WNT3: variants seen among roughly 807,000 people sequenced by gnomAD.
WNT3 encodes proto-oncogene Wnt-3.
WNT3 carries 7 observed loss-of-function variants against 34.2 expected under a neutral mutation model. The ratio of observed to expected loss-of-function variants is 0.20; its 90% confidence interval spans 0.12 to 0.38. The LOEUF is 0.38. Ranked by LOEUF, WNT3 falls within the 10% of genes least tolerant of loss-of-function variation. The pLI, the probability that WNT3 is intolerant of heterozygous loss-of-function variation, is 1.00. For synonymous variants in WNT3, 212 were observed against 211.5 expected (o/e 1.00, Z -0.02); for missense variants, 267 against 499.8 (o/e 0.53, Z 4.44).
intron 1 of WNT3, among the ~76,000 whole-genome samples, chr17:46,805,105 T>C (rs2146450759): frequency 6.6e-6 from 1 of 152,182 alleles, no homozygotes; most frequent in African/African-American, 2.4e-5. Context: ...ACGAACCCAC[T>C]GGAAGGAACC....
intron 1 of WNT3, among the ~76,000 whole-genome samples, chr17:46,795,027 A>G (rs2084035865): frequency 6.6e-6 from 1 of 152,126 alleles, no homozygotes; most frequent in Admixed American, 6.5e-5. Flanking sequence ...CTGGGATTAC[A>G]GGTGTGAGCC....
intron 1 of WNT3, among the ~76,000 whole-genome samples, chr17:46,792,023 G>C (rs1227031112): frequency 1.3e-5 from 2 of 152,248 alleles, no homozygotes; most frequent in Non-Finnish European, 2.9e-5. Flanking sequence ...CTGGGCAACA[G>C]AGTGAGATCC....
chr17:46,786,498 TC>T, intron 1 of WNT3, among the ~76,000 whole-genome samples: 1 of 152,198 alleles, frequency 6.6e-6, no homozygotes, highest in South Asian at 2.1e-4. Context: ...CCAGAGCGTC[TC>T]CCTGAGAGGC....
intron 4 of WNT3, among the ~76,000 whole-genome samples, chr17:46,767,880 C>T (rs900251807): frequency 2.6e-5 from 4 of 152,068 alleles, no homozygotes; most frequent in African/African-American, 9.7e-5. Context: ...CCTCTGTCGC[C>T]CAGGTTCAAG....
chr17:46,818,275 T>C (rs2084378836), intron 1 of WNT3, among the ~76,000 whole-genome samples: 1 of 151,214 alleles, frequency 6.6e-6, no homozygotes, highest in South Asian at 2.1e-4. Flanking sequence ...CCTTCTGAGA[T>C]GGGAAAAGTC....
In WNT3 at chr17:46,768,257, A is replaced by AC; in HGVS notation, c.*8+54dup. 1 of 1,608,978 alleles carries AC rather than the reference A, an allele frequency of 6.2e-7. No individual in the cohort carries two copies. The highest frequency in any genetic ancestry group is 8.5e-7 in the Non-Finnish European group (1 of 1,179,432). The stretch of plus-strand genomic sequence containing the variant: ...GTCAAGAAGACGAGATGGGCAAACA[A>AC]CCCCATTCCCTGCGCCCAGGCTCCC... On this transcript the variant is annotated intron_variant, in intron 4 of 4. Coordinates refer to ENST00000225512, the MANE Select transcript of WNT3 (RefSeq NM_030753.5). The surrounding 1 kb of genome is among the most constrained non-coding windows in gnomAD (Gnocchi z 5.0).
intron 1 of WNT3, among the ~76,000 whole-genome samples, chr17:46,804,378 C>T (rs1280566272): frequency 1.3e-5 from 2 of 152,156 alleles, no homozygotes; most frequent in African/African-American, 2.4e-5. Flanking sequence ...CAAGCCACCA[C>T]AACTAGCCTG....
chr17:46,792,576 C>T (rs565599383), intron 1 of WNT3, among the ~76,000 whole-genome samples: 3 of 152,060 alleles, frequency 2.0e-5, no homozygotes, highest in Admixed American at 6.6e-5. Context: ...CAGGTTCAAG[C>T]GATTCTCCTG....
intron 2 of WNT3, 45 bp downstream of exon 2, chr17:46,773,623 T>TGCCCCC: frequency 5.0e-5 from 19 of 383,492 alleles, no homozygotes; most frequent in Non-Finnish European, 8.8e-5. Context: ...TCCTGATCCC[T>TGCCCCC]CCCCCCACCC....
intron 1 of WNT3, among the ~76,000 whole-genome samples, chr17:46,778,121 G>T (rs1035563189): frequency 6.6e-6 from 1 of 152,212 alleles, no homozygotes; most frequent in African/African-American, 2.4e-5. Flanking sequence ...TATGGTTACG[G>T]TGTGTGTGGA....
chr17:46,779,210 C>T (rs2059440068), intron 1 of WNT3, among the ~76,000 whole-genome samples: 1 of 152,186 alleles, frequency 6.6e-6, no homozygotes, highest in African/African-American at 2.4e-5. Context: ...ATGCCCCTCA[C>T]TCGCCAGACC....
intron 1 of WNT3, among the ~76,000 whole-genome samples, chr17:46,805,615 A>G (rs1043751288): frequency 2.0e-5 from 3 of 152,098 alleles, no homozygotes; most frequent in African/African-American, 7.2e-5. Flanking sequence ...TTAGCCACAT[A>G]TGGTGCTTGC....
At chr17:46,776,021 C>T (rs1011201712) in intron 1 of WNT3, among the ~76,000 whole-genome samples, 19 of 152,190 alleles carry the variant, frequency 1.2e-4, no homozygotes, top group African/African-American at 4.1e-4. Flanking sequence ...TCAAAATAGC[C>T]CCAGCACAAA....
intron 1 of WNT3, among the ~76,000 whole-genome samples, chr17:46,805,580 T>C (rs1335765887): frequency 6.6e-6 from 1 of 151,762 alleles, no homozygotes; most frequent in Non-Finnish European, 1.5e-5. Context: ...GTCTCAAAAA[T>C]AAATAAAAAT....
At position 46,812,696 on chromosome 17, in the gene WNT3, C is replaced by T. The variant is rs147172491; in HGVS notation, c.80+5822G>A. 2.0e-5 allele frequency among the ~76,000 whole-genome samples: 3 copies of T among 152,236 alleles called. No individual in the cohort carries two copies. In the East Asian group the frequency reaches 5.8e-4, roughly 29 times the overall value. On this transcript the variant is annotated intron_variant, in intron 1 of 4. Coordinates refer to ENST00000225512, the MANE Select transcript of WNT3 (RefSeq NM_030753.5). Reference sequence around the variant, plus strand: ...TCAACTTAAGAATAAAGCTAAAGCACTGTGGGGCAAACAGGCAAAAAGAAG... The same window carrying T: ...TCAACTTAAGAATAAAGCTAAAGCATTGTGGGGCAAACAGGCAAAAAGAAG...
chr17:46,766,539 C>T lies in WNT3; in HGVS notation c.*8+1773G>A, dbSNP rs148949729. Among the ~76,000 whole-genome samples the T allele has an allele frequency of 7.8e-4, 119 of 152,308 alleles. 1 individual carries two copies. Among genetic ancestry groups the T allele is most frequent in the African/African-American group, 2.8e-3 (115 of 41,566 alleles). On this transcript the variant is annotated intron_variant, in intron 4 of 4. Transcript: ENST00000225512. ...GATTCACCTTCGTCCTCTCCCACTCCCCACACTGCTTTTGTTCAGATACCG... is the reference window on the plus strand; with the variant it reads ...GATTCACCTTCGTCCTCTCCCACTCTCCACACTGCTTTTGTTCAGATACCG...
chr17:46,773,123 A>G (rs1410841139), intron 2 of WNT3, among the ~76,000 whole-genome samples: 1 of 152,060 alleles, frequency 6.6e-6, no homozygotes, highest in Non-Finnish European at 1.5e-5. Context: ...AGGCTGCAAG[A>G]CGGCCGGAAA....
Position 46,768,707 on chromosome 17 carries a change from G to A in WNT3, c.681C>T (p.Phe227=), listed in dbSNP as rs951420042. Residue 227 remains phenylalanine (F), a synonymous_variant, in exon 4 of 5, where the codon TTC becomes TTT. Coordinates refer to ENST00000225512, the MANE Select transcript of WNT3 (RefSeq NM_030753.5). This position sits in a 1 kb window ranked among gnomAD's most constrained non-coding sequence, Gnocchi z 5.0. ...CCTTGAGGAAGTCACCGATGGCACG[G>A]AAGTCAGGCTGCGCCCACCAGCAGG... is the stretch of plus-strand genomic sequence containing the variant. ...VKTCWWAQPD[F]RAIGDFLKDK... is the part of the protein sequence containing the mutation. 1.9e-6 allele frequency: 3 copies of A among 1,614,120 alleles called. No individual in the cohort carries two copies. Among genetic ancestry groups the A allele is most frequent in the Admixed American group, 3.3e-5 (2 of 60,030 alleles).
Position 46,769,763 on chromosome 17 carries a change from G to A in WNT3, c.588+20C>T, listed in dbSNP as rs371569971. On this transcript the variant is annotated intron_variant, in intron 3 of 4. Transcript: ENST00000225512. ...GGGGGGCTGCTCCCTGAAGGGTTTGGGGAGGGTAGCCGGGCTCACCGTGCG... is the reference window on the plus strand; with the variant it reads ...GGGGGGCTGCTCCCTGAAGGGTTTGAGGAGGGTAGCCGGGCTCACCGTGCG... The A allele has an allele frequency of 3.9e-5, 63 of 1,607,694 alleles. 1 individual carries two copies. In the South Asian group the frequency reaches 6.0e-4, roughly 15 times the overall value.
Sources: allele counts gnomAD v4.1 joint callset (sites outside exome capture counted in the v4.1 genomes callset), GRCh38; gene constraint gnomAD v4.1.1; non-coding constraint Gnocchi (gnomAD v3.1); transcripts MANE v1.5; gene names NCBI Gene and HGNC (gene_info 2026-07-23, HGNC 2026-07-21).